ANKRD36C: variants seen among roughly 807,000 people sequenced by gnomAD.
The protein encoded by ANKRD36C is ankyrin repeat domain-containing protein 36C.
A neutral mutation model predicts 276.4 loss-of-function variants in ANKRD36C; 61 were observed. That is an observed-to-expected ratio of 0.22 (90% confidence interval 0.18 to 0.27). ANKRD36C has a LOEUF of 0.27. Among genes scored for constraint, ANKRD36C ranks in the 10% least tolerant of loss-of-function variants. The pLI is 1.00. For missense variants in ANKRD36C, 1,447 were observed against 2,032.3 expected (o/e 0.71, Z 5.54); for synonymous variants, 483 against 680.1 (o/e 0.71, Z 4.51).
intron 59 of ANKRD36C, among the ~76,000 whole-genome samples, chr2:95,874,178 C>T (rs1675885965): frequency 6.6e-6 from 1 of 152,152 alleles, no homozygotes; most frequent in Admixed American, 6.6e-5. Context: ...GAAAAAACTG[C>T]TTTAAAGTTC....
intron 22 of ANKRD36C, among the ~76,000 whole-genome samples, chr2:95,937,331 G>C (rs1677746192): frequency 6.6e-6 from 1 of 152,306 alleles, no homozygotes. Flanking sequence ...TGAAAAATGA[G>C]AGCATTAAGT....
At chr2:95,957,620 G>C (rs552934371) in intron 12 of ANKRD36C, among the ~76,000 whole-genome samples, 3 of 152,378 alleles carry the variant, frequency 2.0e-5, no homozygotes, top group South Asian at 2.1e-4. Context: ...TATCAAATTT[G>C]ATATACTTAC....
At chr2:95,938,466 T>G (rs1270128404) in intron 22 of ANKRD36C, among the ~76,000 whole-genome samples, 1 of 152,186 alleles carries the variant, frequency 6.6e-6, no homozygotes, top group Non-Finnish European at 1.5e-5. Flanking sequence ...AATTGTAATG[T>G]CAGCAGGTAT....
chr2:95,928,927 C>T, intron 26 of ANKRD36C, 145 bp downstream of exon 26: 1 of 1,254,432 alleles, frequency 8.0e-7, no homozygotes, highest in South Asian at 1.4e-5. Flanking sequence ...TCAGGGTCAC[C>T]TGAGAACTCA....
At chr2:95,856,892 A>G (rs1675426333) in intron 62 of ANKRD36C, among the ~76,000 whole-genome samples, 1 of 152,184 alleles carries the variant, frequency 6.6e-6, no homozygotes, top group Non-Finnish European at 1.5e-5. Flanking sequence ...ATACAAAAAT[A>G]ATCTTTTATT....
At chr2:95,855,336 A>G (rs757431789) in exon 63 of ANKRD36C, 50 of 1,610,656 alleles carry the variant, frequency 3.1e-5, no homozygotes, top group Non-Finnish European at 4.0e-5. Flanking sequence ...ATTCACCAAC[A>G]TTTTATTGTC....
chr2:95,876,525 A>C lies in ANKRD36C; in HGVS notation c.3470-16T>G. The C allele has an allele frequency of 6.2e-7, 1 of 1,607,646 alleles. No individual in the cohort carries two copies. The highest frequency in any genetic ancestry group is 2.2e-5 in the East Asian group (1 of 44,794). ...AAGTCTTGTTCTGCTAAAAAAAATT[A>C]TATATTTAGTTAAAATGAGCTACAC... is the stretch of plus-strand genomic sequence containing the variant. On this transcript the variant is annotated splice_polypyrimidine_tract_variant and intron_variant, in intron 58 of 66. Transcript: ENST00000456556.
intron 56 of ANKRD36C, among the ~76,000 whole-genome samples, chr2:95,880,866 TA>T (rs1558625216): frequency 2.0e-5 from 3 of 152,164 alleles, no homozygotes; most frequent in Admixed American, 2.0e-4. Flanking sequence ...CATCTATTGC[TA>T]AAAAGAAGTG....
intron 58 of ANKRD36C, among the ~76,000 whole-genome samples, chr2:95,878,540 A>G (rs539583736): frequency 5.9e-5 from 9 of 152,310 alleles, no homozygotes; most frequent in African/African-American, 1.9e-4. Flanking sequence ...TCCCACCACA[A>G]ATAAAGAGGA....
rs755621394 is a variant in ANKRD36C, at chr2:95,908,658, A to C, written c.2653+3586T>G. ...TTTACTAGTTCACAACATAAATGAC[A>C]GTTTCATTACCTTCAAGCCTGGTGG... On this transcript the variant is annotated intron_variant, in intron 42 of 66. Coordinates refer to ENST00000456556, the Ensembl canonical transcript of ANKRD36C. The C allele has an allele frequency of 3.2e-6, 5 of 1,564,396 alleles. No individual in the cohort carries two copies. In the African/African-American group the frequency reaches 4.1e-5, roughly 13 times the overall value.
At chr2:95,978,449 C>T (rs554420300) in intron 5 of ANKRD36C, among the ~76,000 whole-genome samples, 1 of 152,150 alleles carries the variant, frequency 6.6e-6, no homozygotes, top group South Asian at 2.1e-4. Flanking sequence ...ACCTTCCTGG[C>T]TCTTACTGGA....
At chr2:95,855,492 T>C (rs1573717539) in exon 63 of ANKRD36C, 2 of 1,611,782 alleles carry the variant, frequency 1.2e-6, no homozygotes. Flanking sequence ...AAGCAACATA[T>C]TTTGTTTTTT....
At chr2:95,915,343 T>A (rs1162401082) in intron 38 of ANKRD36C, among the ~76,000 whole-genome samples, 4 of 151,092 alleles carry the variant, frequency 2.6e-5, no homozygotes, top group East Asian at 2.1e-4. Context: ...TGAGTCATTG[T>A]GTTTTTATGC....
chr2:95,927,319 G>A (rs377656263), intron 27 of ANKRD36C, 33 bp from the exon 28 acceptor site: 129 of 1,608,106 alleles, frequency 8.0e-5, no homozygotes, highest in Middle Eastern at 1.7e-4. Context: ...TAATCAATAC[G>A]TAAAGTAGGT....
intron 36 of ANKRD36C, among the ~76,000 whole-genome samples, chr2:95,917,100 G>A (rs1573765039): frequency 6.6e-6 from 1 of 151,540 alleles, no homozygotes; most frequent in Non-Finnish European, 1.5e-5. Flanking sequence ...CTTGAACAAG[G>A]AAGCCAATGT....
At chr2:95,915,589 C>T (rs1051243736) in intron 38 of ANKRD36C, among the ~76,000 whole-genome samples, 7 of 151,420 alleles carry the variant, frequency 4.6e-5, no homozygotes, top group African/African-American at 9.7e-5. Flanking sequence ...ACAGTGTCTA[C>T]CGGTTATTAT....
intron 17 of ANKRD36C, among the ~76,000 whole-genome samples, chr2:95,947,704 C>T (rs908403303): frequency 2.9e-4 from 44 of 152,202 alleles, no homozygotes; most frequent in African/African-American, 9.4e-4. Flanking sequence ...AAACAAAATG[C>T]ATATTCTTCA....
chr2:95,933,582 T>G (rs1278740961), intron 24 of ANKRD36C, among the ~76,000 whole-genome samples: 2 of 152,204 alleles, frequency 1.3e-5, no homozygotes, highest in Non-Finnish European at 2.9e-5. Flanking sequence ...TGTTTGTCTT[T>G]TATCGGTGTA....
chr2:95,980,451 G>C (rs1349436168), intron 5 of ANKRD36C, among the ~76,000 whole-genome samples, 197 bp downstream of exon 5: 1 of 152,058 alleles, frequency 6.6e-6, no homozygotes, highest in Non-Finnish European at 1.5e-5. Flanking sequence ...TGCACCTACT[G>C]CTACTTACCT....
Sources: allele counts gnomAD v4.1 joint callset (sites outside exome capture counted in the v4.1 genomes callset), GRCh38; gene constraint gnomAD v4.1.1; transcripts MANE v1.5; gene names NCBI Gene and HGNC (gene_info 2026-07-23, HGNC 2026-07-21).